The following AAK1 variants were observed in gnomAD, a reference collection of about 807,000 sequenced individuals.
AAK1 encodes the protein AP2-associated protein kinase 1.
Under a neutral mutation model 116.0 loss-of-function variants are expected in AAK1, and 37 were observed. That is an observed-to-expected ratio of 0.32 (90% CI 0.25 to 0.42). The LOEUF is 0.42. Among genes scored for constraint, AAK1 ranks in the 10% least tolerant of loss-of-function variants. AAK1 has a pLI of 1.00. For missense variants in AAK1, 919 were observed against 1,170.6 expected (o/e 0.79, Z 3.14); for synonymous variants, 458 against 439.9 (o/e 1.04, Z -0.51).
chr2:69,554,588 G>C (rs751553224), intron 3 of AAK1, among the ~76,000 whole-genome samples: 18 of 152,198 alleles, frequency 1.2e-4, no homozygotes, highest in Non-Finnish European at 2.4e-4. Context: ...TTTGGGGAGA[G>C]AGGCAAGCAG....
chr2:69,477,077 A>C, intron 20 of AAK1, 87 bp from the exon 21 acceptor site: 13 of 823,990 alleles, frequency 1.6e-5, no homozygotes, highest in Non-Finnish European at 2.2e-5. Flanking sequence ...CAAAGATCTC[A>C]ACTGTACAGC....
rs1450913075 is a variant in AAK1, at chr2:69,466,369, T to C, written c.*9500A>G. 1.6e-6 allele frequency: 2 copies of C among 1,289,854 alleles called. No individual in the cohort carries two copies. Among genetic ancestry groups the C allele is most frequent in the Non-Finnish European group, 1.0e-6 (1 of 988,874 alleles). The allele number at this position is 1,289,854 out of a possible 1,614,324, so 79.9% of individuals were successfully genotyped here. On this transcript the variant is annotated 3_prime_UTR_variant, in exon 22 of 22. Coordinates refer to ENST00000409085, the MANE Select transcript of AAK1 (RefSeq NM_014911.5). ...AGGTCAGTCCCTTCCTCTTCGCTGC[T>C]GTGGAATGAGCTGTTGCTTGAAGGG...
chr2:69,510,068 A>G (rs1676333085), intron 13 of AAK1, among the ~76,000 whole-genome samples: 1 of 152,174 alleles, frequency 6.6e-6, no homozygotes. Flanking sequence ...GTTCGGGGGT[A>G]CATGTGCAGG....
At chr2:69,556,762 A>G in intron 3 of AAK1, 98 bp downstream of exon 3, 2 of 865,224 alleles carry the variant, frequency 2.3e-6, no homozygotes, top group African/African-American at 1.7e-5. Flanking sequence ...CCTCTGTACC[A>G]TCTCAGGGAA....
At chr2:69,578,111 T>C (rs541326288) in intron 2 of AAK1, among the ~76,000 whole-genome samples, 2 of 152,174 alleles carry the variant, frequency 1.3e-5, no homozygotes, top group African/African-American at 2.4e-5. Context: ...AGTAATTAAT[T>C]ACTACGAGTC....
chr2:69,550,074 T>G (rs931889877), intron 3 of AAK1, among the ~76,000 whole-genome samples: 1 of 152,226 alleles, frequency 6.6e-6, no homozygotes, highest in Admixed American at 6.5e-5. Flanking sequence ...TTATAACCAG[T>G]AGCAATCCAG....
At chr2:69,554,736 T>C (rs1671319640) in intron 3 of AAK1, among the ~76,000 whole-genome samples, 1 of 152,242 alleles carries the variant, frequency 6.6e-6, no homozygotes, top group South Asian at 2.1e-4. Flanking sequence ...CGCTGGGACC[T>C]TGTAATGGCA....
rs779524330 is a variant in AAK1, at chr2:69,464,821, G to A, written c.*11048C>T. ...GACAGTCATGCACGAGAGCCAGCCT[G>A]GCTTGCACACAGACTGAGAATCAGA... On this transcript the variant is annotated 3_prime_UTR_variant, in exon 22 of 22. Coordinates refer to ENST00000409085, the MANE Select transcript of AAK1 (RefSeq NM_014911.5). 4 of 153,064 alleles carry A rather than the reference G, an allele frequency of 2.6e-5. No individual in the cohort carries two copies. The highest frequency in any genetic ancestry group is 4.4e-5 in the Non-Finnish European group (3 of 68,708). The allele number at this position is 153,064 out of a possible 1,614,324, so 9.5% of individuals were successfully genotyped here.
chr2:69,521,047 G>T, intron 10 of AAK1, 59 bp from the exon 11 acceptor site: 1 of 1,574,222 alleles, frequency 6.4e-7, no homozygotes, highest in Non-Finnish European at 8.7e-7. Flanking sequence ...AAGGGAGTGG[G>T]CAGAGGACAC....
chr2:69,566,318 G>C (rs560667818), intron 2 of AAK1, among the ~76,000 whole-genome samples: 28 of 152,320 alleles, frequency 1.8e-4, no homozygotes, highest in Non-Finnish European at 2.2e-4. Flanking sequence ...ACTGATTTCA[G>C]TGGGGGCTTG....
rs1207010677 is a variant in AAK1, at chr2:69,466,318, C to T, written c.*9551G>A. ...GACTCCATAAGGAGAGGCCGAGACCCACTGCAGTCCAGCATGTCTCCTTCA... is the reference window on the plus strand; with the variant it reads ...GACTCCATAAGGAGAGGCCGAGACCTACTGCAGTCCAGCATGTCTCCTTCA... On this transcript the variant is annotated 3_prime_UTR_variant, in exon 22 of 22. Transcript: ENST00000409085. 1 of 1,289,838 alleles carries T rather than the reference C, an allele frequency of 7.8e-7. No homozygotes were observed. Among genetic ancestry groups the T allele is most frequent in the Middle Eastern group, 2.1e-4 (1 of 4,696 alleles). 79.9% of individuals were successfully genotyped at this position (1,289,838 alleles called of 1,614,324 possible).
chr2:69,515,256 C>G (rs868788863), intron 12 of AAK1, among the ~76,000 whole-genome samples: 9 of 152,138 alleles, frequency 5.9e-5, no homozygotes, highest in Admixed American at 4.6e-4. Context: ...AAATTATTTC[C>G]CAAGAGCTCC....
At chr2:69,517,425 C>T (rs1423884729) in intron 12 of AAK1, among the ~76,000 whole-genome samples, 1 of 152,016 alleles carries the variant, frequency 6.6e-6, no homozygotes, top group African/African-American at 2.4e-5. Flanking sequence ...ACAAATGGAT[C>T]AGACAGACAA....
At chr2:69,533,710 C>T (rs6546525) in intron 5 of AAK1, among the ~76,000 whole-genome samples, 20,947 of 152,120 alleles carry the variant, frequency 0.14, 2,073 homozygotes, top group African/African-American at 0.27. Flanking sequence ...AGAGGATATA[C>T]TGGTGTAGCT....
intron 2 of AAK1, among the ~76,000 whole-genome samples, chr2:69,636,621 T>G (rs1397785379): frequency 6.6e-6 from 1 of 152,222 alleles, no homozygotes; most frequent in African/African-American, 2.4e-5. Context: ...CTGTAAGCAC[T>G]AGCCACATGT....
At chr2:69,486,713 G>T (rs1675315157) in intron 17 of AAK1, among the ~76,000 whole-genome samples, 1 of 152,100 alleles carries the variant, frequency 6.6e-6, no homozygotes, top group Non-Finnish European at 1.5e-5. Flanking sequence ...AAAAACCCCT[G>T]GGTTTGGGAA....
At chr2:69,492,372 C>A (rs12468510) in intron 17 of AAK1, among the ~76,000 whole-genome samples, 44,886 of 151,644 alleles carry the variant, frequency 0.3, 7,862 homozygotes, top group East Asian at 0.52. Flanking sequence ...CACCACCATG[C>A]CCAGCTAATT....
intron 2 of AAK1, among the ~76,000 whole-genome samples, chr2:69,592,616 G>T (rs1184752460): frequency 6.6e-6 from 1 of 152,034 alleles, no homozygotes; most frequent in Non-Finnish European, 1.5e-5. Flanking sequence ...ATTAAAATGT[G>T]AAACTTCTCT....
Position 69,550,408 on chromosome 2 carries a change from G to A in AAK1, c.283-5864C>T, listed in dbSNP as rs542853480. 1.4e-4 allele frequency among the ~76,000 whole-genome samples: 21 copies of A among 152,128 alleles called. No individual in the cohort carries two copies. The South Asian group carries it at 4.2e-3, about 30-fold the overall frequency. On this transcript the variant is annotated intron_variant, in intron 3 of 21. Transcript: ENST00000409085. The stretch of plus-strand genomic sequence containing the variant: ...CACCCTCTGCCTCCCAGCCTCAAGC[G>A]ATTCTCCTGCCTCAGCCTCCCAAGT...
Sources: gnomAD v4.1 joint callset for allele counts (sites outside exome capture counted in the v4.1 genomes callset) on GRCh38, gnomAD v4.1.1 for gene constraint, MANE v1.5 for transcripts, NCBI Gene and HGNC (gene_info 2026-07-23, HGNC 2026-07-21) for gene names.